TNRC6A: variants seen among roughly 807,000 people sequenced by gnomAD.
The protein encoded by TNRC6A is trinucleotide repeat-containing gene 6A protein.
In TNRC6A, 44 loss-of-function variants were observed where a neutral mutation model predicts 221.2. The ratio of observed to expected loss-of-function variants is 0.20; its 90% confidence interval spans 0.16 to 0.26. TNRC6A has a LOEUF of 0.26. Among genes scored for constraint, TNRC6A ranks in the 10% least tolerant of loss-of-function variants. TNRC6A has a pLI of 1.00. For synonymous variants in TNRC6A, 847 were observed against 838.5 expected (o/e 1.01, Z -0.18); for missense variants, 2,199 against 2,404.4 (o/e 0.91, Z 1.79).
chr16:24,741,339 T>C (rs551967482), intron 2 of TNRC6A, among the ~76,000 whole-genome samples: 1 of 152,228 alleles, frequency 6.6e-6, no homozygotes, highest in African/African-American at 2.4e-5. Context: ...GTTTTTGTCT[T>C]GTAAAAGGAT....
At position 24,809,424 on chromosome 16, in the gene TNRC6A, A is replaced by G. The variant is rs750432371; in HGVS notation, c.4615A>G (p.Thr1539Ala). The G allele has an allele frequency of 5.6e-6, 9 of 1,602,348 alleles. No homozygotes were observed. The highest frequency in any genetic ancestry group is 1.7e-6 in the Non-Finnish European group (2 of 1,172,842). The change falls in exon 18 of 25, where the codon ACG becomes GCG. Residue 1539 changes from threonine (T) to alanine (A), a missense_variant. Thr to Ala is a moderately conservative substitution (Grantham distance 58). Transcript: ENST00000395799. ...GCCACAGTCAAGACTAAGGAAGTGG[A>G]CGACAGTGGACAGCATTTCTGTGAA... ...KEPQSRLRKW[T>A]TVDSISVNTS... is the part of the protein sequence containing the mutation.
At chr16:24,682,738 C>T (rs1204731442) in intron 2 of TNRC6A, among the ~76,000 whole-genome samples, 2 of 151,986 alleles carry the variant, frequency 1.3e-5, no homozygotes, top group South Asian at 2.1e-4. Flanking sequence ...GCAGAATGAC[C>T]GCAGAGAAGC....
intron 2 of TNRC6A, among the ~76,000 whole-genome samples, chr16:24,666,604 C>T (rs1352895942): frequency 7.5e-6 from 1 of 134,200 alleles, no homozygotes; most frequent in Non-Finnish European, 1.5e-5. Context: ...GCACTGCACT[C>T]CAGCCCAGAT....
rs1411466706 is a variant in TNRC6A, at chr16:24,804,139, T to C, written c.3695-38T>C. 3 of 1,550,576 alleles carry C rather than the reference T, an allele frequency of 1.9e-6. No individual in the cohort carries two copies. In the South Asian group the frequency reaches 3.8e-5, roughly 20 times the overall value. On this transcript the variant is annotated intron_variant, in intron 11 of 24. Transcript: ENST00000395799. ...TAAATTTATCTGAAACCAATTGGGT[T>C]GTCTTCCTGTTTGATAACAGTCTCC...
At chr16:24,771,909 C>T (rs1464067636) in intron 4 of TNRC6A, among the ~76,000 whole-genome samples, 1 of 152,278 alleles carries the variant, frequency 6.6e-6, no homozygotes, top group Admixed American at 6.5e-5. Flanking sequence ...TGGCCCACTG[C>T]CTGTTTTTGC....
At chr16:24,675,702 CTA>C (rs60165161) in intron 2 of TNRC6A, among the ~76,000 whole-genome samples, 1,211 of 32,998 alleles carry the variant, frequency 0.037, 17 homozygotes, top group South Asian at 0.049. Context: ...CTCTCTCTCT[CTA>C]TATATATATA....
chr16:24,789,522 A>G lies in TNRC6A; in HGVS notation c.880A>G (p.Lys294Glu). The G allele has an allele frequency of 6.2e-7, 1 of 1,614,156 alleles. No individual in the cohort carries two copies. Among genetic ancestry groups the G allele is most frequent in the Non-Finnish European group, 8.5e-7 (1 of 1,180,030 alleles). The part of the protein sequence containing the change: ...RNSTGLGSQN[K>E]FVVGSSSNNV... ...TAGCACTGGACTTGGTTCCCAAAAC[A>G]AGTTTGTAGTTGGTAGCAGCAGCAA... is the stretch of plus-strand genomic sequence containing the variant. The change falls in exon 6 of 25, where the codon AAG becomes GAG. Residue 294 changes from lysine (K) to glutamate (E), a missense_variant. Lys to Glu is a moderately conservative substitution (Grantham distance 56). Around this residue, in one of 8 missense-constraint regions of TNRC6A, gnomAD observed 1,405 missense variants for 1,400.2 expected, o/e 1.00. Transcript: ENST00000395799.
At chr16:24,667,283 G>C (rs2055192596) in intron 2 of TNRC6A, among the ~76,000 whole-genome samples, 1 of 152,088 alleles carries the variant, frequency 6.6e-6, no homozygotes, top group Admixed American at 6.6e-5. Flanking sequence ...TCCCGTGCCT[G>C]GGCCTCAGCT....
intron 4 of TNRC6A, among the ~76,000 whole-genome samples, chr16:24,761,165 C>T (rs1465422): frequency 0.33 from 49,601 of 151,998 alleles, 8,456 homozygotes; most frequent in East Asian, 0.46. Context: ...TGTCAAGTAC[C>T]AGAAATGGGA....
chr16:24,790,259 C>T lies in TNRC6A; in HGVS notation c.1617C>T (p.Gly539=), dbSNP rs1240020779. ...GAGACAAATGTTCAGGCCCTAATGG[C>T]CAAGCTAATGGTGACACTGTGAATG... ...YSGDKCSGPN[G]QANGDTVNAT... is the part of the protein sequence containing the mutation. The change falls in exon 6 of 25, where the codon GGC becomes GGT. Residue 539 remains glycine (G), a synonymous_variant. Coordinates refer to ENST00000395799, the MANE Select transcript of TNRC6A (RefSeq NM_014494.4). 5 of 1,614,042 alleles carry T rather than the reference C, an allele frequency of 3.1e-6. No homozygotes were observed. Among genetic ancestry groups the T allele is most frequent in the African/African-American group, 2.7e-5 (2 of 74,906 alleles).
chr16:24,814,432 C>T (rs148740996), intron 18 of TNRC6A, among the ~76,000 whole-genome samples: 237 of 23,912 alleles, frequency 9.9e-3, no homozygotes, highest in African/African-American at 0.081. Context: ...TTTTTGGAGA[C>T]GGAGTCTTGC....
At chr16:24,801,327 G>A (rs986250367) in intron 11 of TNRC6A, among the ~76,000 whole-genome samples, 1 of 152,042 alleles carries the variant, frequency 6.6e-6, no homozygotes, top group African/African-American at 2.4e-5. Context: ...TTTTTCAGAC[G>A]CCAAGTGAGT....
At chr16:24,736,780 TAGGAAATGCC>T (rs1359564921) in intron 2 of TNRC6A, among the ~76,000 whole-genome samples, 1 of 152,248 alleles carries the variant, frequency 6.6e-6, no homozygotes, top group Non-Finnish European at 1.5e-5. Flanking sequence ...TCTTTCATTT[TAGGAAATGCC>T]AAACAATTGG....
chr16:24,643,000 C>T (rs1359183897), intron 2 of TNRC6A, among the ~76,000 whole-genome samples: 2 of 149,124 alleles, frequency 1.3e-5, no homozygotes, highest in Non-Finnish European at 3.0e-5. Context: ...GCTATGATTG[C>T]TCCACTGCAC....
At chr16:24,722,257 TA>T (rs1229180770) in intron 2 of TNRC6A, among the ~76,000 whole-genome samples, 1 of 151,856 alleles carries the variant, frequency 6.6e-6, no homozygotes, top group Non-Finnish European at 1.5e-5. Flanking sequence ...TAAAAAGTAA[TA>T]AAAAATTTAG....
intron 5 of TNRC6A, among the ~76,000 whole-genome samples, chr16:24,786,087 A>G (rs1329732688): frequency 6.6e-6 from 1 of 152,218 alleles, no homozygotes; most frequent in African/African-American, 2.4e-5. Flanking sequence ...AGATTCTGCT[A>G]AAGATATCTA....
chr16:24,673,363 T>C (rs1304609272), intron 2 of TNRC6A, among the ~76,000 whole-genome samples: 2 of 152,144 alleles, frequency 1.3e-5, no homozygotes, highest in Admixed American at 1.3e-4. Context: ...TCCACTGGGC[T>C]TCAAAGCTAT....
chr16:24,802,949 GA>G (rs972635772), intron 11 of TNRC6A, among the ~76,000 whole-genome samples: 9 of 152,234 alleles, frequency 5.9e-5, no homozygotes, highest in South Asian at 2.1e-4. Context: ...GATTTTGCAG[GA>G]AAAAAGTTTC....
chr16:24,646,191 A>T (rs1902280058), intron 2 of TNRC6A, among the ~76,000 whole-genome samples: 1 of 152,128 alleles, frequency 6.6e-6, no homozygotes, highest in South Asian at 2.1e-4. Context: ...ATACACTATG[A>T]TATTGCTGAG....
Sources: allele counts gnomAD v4.1 joint callset (sites outside exome capture counted in the v4.1 genomes callset), GRCh38; gene constraint gnomAD v4.1.1; regional missense constraint gnomAD v4.1.1; transcripts MANE v1.5; gene names NCBI Gene and HGNC (gene_info 2026-07-23, HGNC 2026-07-21).